The following FNTA variants were observed in gnomAD, a reference collection of about 807,000 sequenced individuals.
FNTA encodes protein farnesyltransferase/geranylgeranyltransferase type-1 subunit alpha.
A neutral mutation model predicts 55.2 loss-of-function variants in FNTA; 27 were observed. The ratio of observed to expected loss-of-function variants is 0.49; its 90% CI spans 0.36 to 0.67. The LOEUF (loss-of-function observed/expected upper bound fraction) is 0.67, where lower values mean the gene tolerates loss of function less well. Ranked by LOEUF, FNTA falls within the 30% of genes least tolerant of loss-of-function variation. The pLI is 0.00. For missense variants in FNTA, 422 were observed against 464.7 expected, an observed-to-expected ratio of 0.91 and a Z score of 0.85; for synonymous variants, 176 against 170.7, an observed-to-expected ratio of 1.03 and a Z score of -0.24.
At chr8:43,062,010 C>T (rs1358283972) in intron 2 of FNTA, among the ~76,000 whole-genome samples, 6 of 152,062 alleles carry the variant, frequency 3.9e-5, no homozygotes, top group South Asian at 2.1e-4. Context: ...TGAGCTACCG[C>T]GCCTGGTCTG....
chr8:43,056,609 C>T (rs1459723066), intron 1 of FNTA, 63 bp downstream of exon 1: 2 of 1,099,078 alleles, frequency 1.8e-6, no homozygotes, highest in Admixed American at 4.3e-5. Context: ...CCCCAAGACC[C>T]GCGGCGCGCG....
rs781727241 is a variant in FNTA at position 43,056,467 on chromosome 8, G to C, written c.121G>C (p.Ala41Pro). 1 of 1,569,314 alleles carries C rather than the reference G, an allele frequency of 6.4e-7. No individual in the cohort carries two copies. The highest frequency in any genetic ancestry group is 8.6e-7 in the Non-Finnish European group (1 of 1,161,318). The change falls in exon 1 of 9, where the codon GCC becomes CCC. Residue 41 changes from alanine to proline, a missense_variant. This residue lies in a region of FNTA where 160 missense variants were observed against 121.6 expected (regional missense o/e 1.32). Coordinates refer to ENST00000302279, the MANE Select transcript of FNTA (RefSeq NM_002027.3). ...GCAGCAGCACAAGGAAGAGATGGCGGCCGAGGCTGGGGAAGCCGTGGCGTC... is the reference window on the plus strand; with the variant it reads ...GCAGCAGCACAAGGAAGAGATGGCGCCCGAGGCTGGGGAAGCCGTGGCGTC... ...PQQQHKEEMA[A>P]EAGEAVASPM...
In FNTA at chr8:43,085,331, C is replaced by T; in HGVS notation, c.*49C>T. ...AATGCTTTTATTTTTTATTAAGGGA[C>T]CCTGCAGGAGTTTCACACGAGAGTG... is the stretch of plus-strand genomic sequence containing the variant. On this transcript the variant is annotated 3_prime_UTR_variant, in exon 9 of 9. Coordinates refer to ENST00000302279, the MANE Select transcript of FNTA (RefSeq NM_002027.3). The T allele has an allele frequency of 6.4e-7, 1 of 1,574,240 alleles. No individual in the cohort carries two copies. Among genetic ancestry groups the T allele is most frequent in the Non-Finnish European group, 8.7e-7 (1 of 1,155,930 alleles).
chr8:43,080,762 A>G (rs759300246), intron 6 of FNTA: 5 of 152,256 alleles, frequency 3.3e-5, no homozygotes, highest in Non-Finnish European at 5.9e-5. Flanking sequence ...AGCACATACA[A>G]AACATTTGCA....
intron 3 of FNTA, among the ~76,000 whole-genome samples, chr8:43,067,646 C>CTT (rs58503449): frequency 1.2e-4 from 17 of 136,394 alleles, no homozygotes; most frequent in African/African-American, 1.9e-4. Flanking sequence ...GGGAAGTCTA[C>CTT]TTTTTTTTTT....
intron 4 of FNTA, chr8:43,070,381 G>T (rs1810760351): frequency 6.6e-6 from 1 of 152,112 alleles, no homozygotes; most frequent in African/African-American, 2.4e-5. Context: ...TTACAAGATT[G>T]TTGTATTTCT....
chr8:43,083,047 G>GAAA (rs200228166), intron 6 of FNTA, 71 bp from the exon 7 acceptor site: 676 of 798,684 alleles, frequency 8.5e-4, no homozygotes, highest in Middle Eastern at 1.2e-3. Context: ...CTCCGTTTCA[G>GAAA]AAAAAAAAAA....
intron 2 of FNTA, among the ~76,000 whole-genome samples, chr8:43,061,844 C>G (rs376173655): frequency 2.0e-5 from 3 of 151,812 alleles, no homozygotes; most frequent in East Asian, 3.9e-4. Context: ...CTCAGCCGCC[C>G]GAGTAGCTGG....
intron 5 of FNTA, among the ~76,000 whole-genome samples, chr8:43,075,595 T>A (rs563900326): frequency 6.6e-6 from 1 of 152,010 alleles, no homozygotes; most frequent in African/African-American, 2.4e-5. Context: ...GTGGGCAGAT[T>A]ACTTGAGTTC....
At position 43,083,693 on chromosome 8, in the gene FNTA, A is replaced by G. The variant is rs1160457887; in HGVS notation, c.845+513A>G. On this transcript the variant is annotated intron_variant, in intron 7 of 8. Transcript: ENST00000302279. ...CAAGGAAACTAGGCTCAAAGAGCAC[A>G]AAGTATGGAACCAGTTACCCTTGGA... is the stretch of plus-strand genomic sequence containing the variant. Among the ~76,000 whole-genome samples the G allele has an allele frequency of 3.3e-5, 5 of 152,242 alleles. No homozygotes were observed. The East Asian group carries it at 9.6e-4, about 29-fold the overall frequency.
At chr8:43,069,719 A>G (rs1810744236) in intron 4 of FNTA, 60 bp downstream of exon 4, 11 of 1,003,036 alleles carry the variant, frequency 1.1e-5, no homozygotes, top group Admixed American at 9.4e-5. Context: ...ACCTCGGCTC[A>G]CTGCAGCCTC....
intron 5 of FNTA, chr8:43,073,413 CTTAA>C (rs938797741): frequency 1.4e-4 from 21 of 152,104 alleles, no homozygotes; most frequent in Admixed American, 1.2e-3. Flanking sequence ...CAGAATATCC[CTTAA>C]TTGTGTTGTA....
At chr8:43,058,745 C>A (rs1207527921) in intron 1 of FNTA, among the ~76,000 whole-genome samples, 1 of 152,050 alleles carries the variant, frequency 6.6e-6, no homozygotes, top group Non-Finnish European at 1.5e-5. Context: ...CCACTGCACT[C>A]CAGCCTGGGC....
chr8:43,072,571 A>G (rs577837979), intron 5 of FNTA, among the ~76,000 whole-genome samples: 9 of 152,214 alleles, frequency 5.9e-5, no homozygotes, highest in Non-Finnish European at 8.8e-5. Context: ...TACAAAAAAT[A>G]CAAAAATTAG....
intron 1 of FNTA, chr8:43,058,823 T>C (rs879758180): frequency 9.7e-6 from 3 of 308,648 alleles, no homozygotes; most frequent in Non-Finnish European, 1.8e-5. Context: ...TGCAAAAACT[T>C]ATTTTTCTAC....
At chr8:43,084,064 G>A (rs1225019192) in intron 7 of FNTA, among the ~76,000 whole-genome samples, 1 of 149,656 alleles carries the variant, frequency 6.7e-6, no homozygotes, top group Non-Finnish European at 1.5e-5. Context: ...AAGAGACCCT[G>A]TCTCAAAGAA....
intron 5 of FNTA, among the ~76,000 whole-genome samples, chr8:43,073,123 A>G (rs1187745931): frequency 6.6e-6 from 1 of 152,162 alleles, no homozygotes; most frequent in Non-Finnish European, 1.5e-5. Context: ...TTTCTGCACT[A>G]TTCATTAGAC....
chr8:43,078,648 A>G (rs1329595579), intron 6 of FNTA: 3 of 152,222 alleles, frequency 2.0e-5, no homozygotes, highest in African/African-American at 7.2e-5. Context: ...AGGCCTCCCT[A>G]TTCCCTGAGA....
intron 6 of FNTA, chr8:43,078,405 C>G (rs535436146): frequency 1.3e-5 from 2 of 151,558 alleles, no homozygotes; most frequent in Non-Finnish European, 2.9e-5. Flanking sequence ...TTGAGCATGT[C>G]TTCATTGCCA....
Sources: allele counts gnomAD v4.1 joint callset (sites outside exome capture counted in the v4.1 genomes callset), GRCh38; gene constraint gnomAD v4.1.1; regional missense constraint gnomAD v4.1.1; transcripts MANE v1.5; gene names NCBI Gene and HGNC (gene_info 2026-07-23, HGNC 2026-07-21).